GRXCR2: variants seen among roughly 807,000 people sequenced by gnomAD.
GRXCR2 encodes glutaredoxin and cysteine rich domain containing 2.
Under a neutral mutation model 24.8 loss-of-function variants are expected in GRXCR2, and 23 were observed. That is an observed-to-expected ratio of 0.93 (90% CI 0.67 to 1.32). GRXCR2 has a LOEUF of 1.32. GRXCR2 is among the 40% of genes most tolerant of loss of function. The probability of loss-of-function intolerance (pLI) is 0.00; values close to 1 mark genes in which losing one functional copy is unlikely to be tolerated. For synonymous variants in GRXCR2, 130 were observed against 116.1 expected, an observed-to-expected ratio of 1.12 and a Z score of -0.77; for missense variants, 315 against 303.4, an observed-to-expected ratio of 1.04 and a Z score of -0.28.
intron 2 of GRXCR2, among the ~76,000 whole-genome samples, chr5:145,918,133 T>C (rs377605409): frequency 1.3e-5 from 2 of 152,218 alleles, no homozygotes. Context: ...GTTCCCGTGA[T>C]TGCCACTTTT....
Position 145,872,619 on chromosome 5 carries a change from T to G in GRXCR2, c.336+14A>C. The stretch of plus-strand genomic sequence containing the variant: ...CCCTACCCTTAAAGCCTATATGCCA[T>G]GCACAATACCAACCTTATGGTCATT... On this transcript the variant is annotated intron_variant, in intron 1 of 2. Coordinates refer to ENST00000377976, the MANE Select transcript of GRXCR2 (RefSeq NM_001080516.2). 1 of 1,572,270 alleles carries G rather than the reference T, an allele frequency of 6.4e-7. No homozygotes were observed. Among genetic ancestry groups the G allele is most frequent in the Non-Finnish European group, 8.6e-7 (1 of 1,157,838 alleles).
At chr5:145,895,378 A>G (rs1756933432) in intron 2 of GRXCR2, among the ~76,000 whole-genome samples, 1 of 152,194 alleles carries the variant, frequency 6.6e-6, no homozygotes, top group Non-Finnish European at 1.5e-5. Flanking sequence ...TTGTATATGT[A>G]GAAAACCCCA....
chr5:145,897,099 A>G (rs1004033765), intron 2 of GRXCR2, among the ~76,000 whole-genome samples: 1 of 129,836 alleles, frequency 7.7e-6, no homozygotes, highest in African/African-American at 2.9e-5. Context: ...ACACATGGAC[A>G]CAGGAAGGGG....
At chr5:145,884,831 T>A (rs1194595176) in intron 2 of GRXCR2, among the ~76,000 whole-genome samples, 1 of 152,214 alleles carries the variant, frequency 6.6e-6, no homozygotes, top group Non-Finnish European at 1.5e-5. Flanking sequence ...GACCCTAGTG[T>A]ATCCTGAATC....
chr5:145,895,390 T>C (rs1296806198), intron 2 of GRXCR2, among the ~76,000 whole-genome samples: 18 of 152,220 alleles, frequency 1.2e-4, no homozygotes, highest in African/African-American at 3.9e-4. Context: ...AAAACCCCAT[T>C]GTCTCAGCCC....
chr5:145,916,566 A>G (rs1257548171), intron 2 of GRXCR2, among the ~76,000 whole-genome samples: 1 of 152,216 alleles, frequency 6.6e-6, no homozygotes, highest in Non-Finnish European at 1.5e-5. Context: ...GGCAATTTGT[A>G]TTTTGAAGAG....
At chr5:145,870,154 G>A (rs1756505873) in intron 1 of GRXCR2, among the ~76,000 whole-genome samples, 1 of 152,084 alleles carries the variant, frequency 6.6e-6, no homozygotes. Flanking sequence ...ACATTACTGT[G>A]CAGCCATGAC....
chr5:145,902,640 A>C (rs1581348741), intron 2 of GRXCR2, among the ~76,000 whole-genome samples: 1 of 152,232 alleles, frequency 6.6e-6, no homozygotes, highest in East Asian at 1.9e-4. Flanking sequence ...AGTGACGCCA[A>C]GTTAAACATG....
chr5:145,925,858 C>G (rs1757387172), intron 2 of GRXCR2, among the ~76,000 whole-genome samples: 1 of 151,994 alleles, frequency 6.6e-6, no homozygotes, highest in Non-Finnish European at 1.5e-5. Flanking sequence ...ATTTGTTTCT[C>G]CTGTATTTCA....
rs531738017 is a variant in GRXCR2 at position 145,891,169 on chromosome 5, G to A, written c.-69-24441C>T. Among the ~76,000 whole-genome samples, 16 of 152,250 alleles carry A rather than the reference G, an allele frequency of 1.1e-4. No homozygotes were observed. In the East Asian group the frequency reaches 1.5e-3, roughly 15 times the overall value. On this transcript the variant is annotated intron_variant, in intron 2 of 3. Transcript: ENST00000639411. ...TTAAGGGGGAGGAGCCAACATGGCC[G>A]AATAGGAACAGCTCCAGTCTACAGC...
intron 2 of GRXCR2, among the ~76,000 whole-genome samples, chr5:145,924,585 C>T (rs562864063): frequency 2.6e-5 from 4 of 152,184 alleles, no homozygotes; most frequent in Non-Finnish European, 4.4e-5. Context: ...AAAGTATTGA[C>T]GTTTTTATTT....
At chr5:145,912,436 C>A (rs2149925950) in intron 2 of GRXCR2, among the ~76,000 whole-genome samples, 1 of 152,262 alleles carries the variant, frequency 6.6e-6, no homozygotes, top group East Asian at 1.9e-4. Flanking sequence ...TATATGCCAG[C>A]CACTGCTCTG....
chr5:145,870,241 C>T (rs947464259), intron 1 of GRXCR2, among the ~76,000 whole-genome samples: 1 of 152,050 alleles, frequency 6.6e-6, no homozygotes, highest in Admixed American at 6.6e-5. Context: ...CTTCTTCTCC[C>T]CTGCCCCCAG....
At chr5:145,866,967 A>C (rs150494640) in intron 1 of GRXCR2, among the ~76,000 whole-genome samples, 2 of 152,288 alleles carry the variant, frequency 1.3e-5, no homozygotes, top group African/African-American at 4.8e-5. Flanking sequence ...AACTACTCAG[A>C]GTATGAGAGT....
chr5:145,928,913 A>T, intron 2 of GRXCR2, among the ~76,000 whole-genome samples: 1 of 151,064 alleles, frequency 6.6e-6, no homozygotes, highest in South Asian at 2.1e-4. Context: ...ATAAAAAAAA[A>T]GTATTACACT....
intron 2 of GRXCR2, among the ~76,000 whole-genome samples, chr5:145,907,362 C>T (rs1757105189): frequency 6.6e-6 from 1 of 152,076 alleles, no homozygotes; most frequent in Non-Finnish European, 1.5e-5. Flanking sequence ...AACCCCATCT[C>T]TACTAAAAAT....
intron 2 of GRXCR2, among the ~76,000 whole-genome samples, chr5:145,927,624 G>A (rs112557161): frequency 0.054 from 8,209 of 152,134 alleles, 647 homozygotes; most frequent in African/African-American, 0.18. Flanking sequence ...TGTTGGATTC[G>A]GTTTGGCAGT....
intron 1 of GRXCR2, among the ~76,000 whole-genome samples, chr5:145,867,504 C>T (rs1756457329): frequency 6.6e-6 from 1 of 152,096 alleles, no homozygotes. Flanking sequence ...TCTAAAGCAT[C>T]ATTATTAATA....
chr5:145,915,763 C>T (rs1757228861), intron 2 of GRXCR2, among the ~76,000 whole-genome samples: 2 of 151,572 alleles, frequency 1.3e-5, no homozygotes, highest in African/African-American at 4.8e-5. Context: ...AGAAGGTAGG[C>T]TCTAGGATCT....
Sources: gnomAD v4.1 joint callset for allele counts (sites outside exome capture counted in the v4.1 genomes callset) on GRCh38, gnomAD v4.1.1 for gene constraint, MANE v1.5 for transcripts, NCBI Gene and HGNC (gene_info 2026-07-23, HGNC 2026-07-21) for gene names.